SLC4A7: variants seen among roughly 807,000 people sequenced by gnomAD.
The protein encoded by SLC4A7 is solute carrier family 4 member 7.
In SLC4A7, 51 loss-of-function variants were observed where a neutral mutation model predicts 137.6. The ratio of observed to expected loss-of-function variants is 0.37; its 90% CI spans 0.30 to 0.47. The LOEUF is 0.47. Ranked by LOEUF, SLC4A7 falls within the 20% of genes least tolerant of loss-of-function variation. The pLI, the probability that SLC4A7 is intolerant of heterozygous loss-of-function variation, is 1.00. For missense variants in SLC4A7, 1,247 were observed against 1,525.4 expected (o/e 0.82, Z 3.04); for synonymous variants, 542 against 518.6 (o/e 1.05, Z -0.61).
chr3:27,405,035 T>G, intron 13 of SLC4A7, 72 bp from the exon 14 acceptor site: 2 of 1,029,750 alleles, frequency 1.9e-6, no homozygotes, highest in Non-Finnish European at 1.3e-6. Flanking sequence ...ATAATACATG[T>G]AAGACATCTG....
At chr3:27,447,806 C>A (rs1270747440) in intron 3 of SLC4A7, among the ~76,000 whole-genome samples, 1 of 152,020 alleles carries the variant, frequency 6.6e-6, no homozygotes, top group African/African-American at 2.4e-5. Context: ...AACAAAAAAA[C>A]CCTGTCCTTT....
chr3:27,434,372 G>T (rs1208613504), intron 5 of SLC4A7, among the ~76,000 whole-genome samples: 4 of 152,092 alleles, frequency 2.6e-5, no homozygotes, highest in African/African-American at 7.2e-5. Context: ...GTGCTTCCCT[G>T]TATGAATACA....
At position 27,373,326 on chromosome 3, in the gene SLC4A7, C is replaced by T. The variant is rs902949116; in HGVS notation, c.*3438G>A. ...AAGAAACCAATTTATATGAAGATTGCCAAATTTTGCAATTTGAACACTATT... is the reference window on the plus strand; with the variant it reads ...AAGAAACCAATTTATATGAAGATTGTCAAATTTTGCAATTTGAACACTATT... On this transcript the variant is annotated 3_prime_UTR_variant, in exon 26 of 26. Coordinates refer to ENST00000454389, the MANE Select transcript of SLC4A7 (RefSeq NM_001321103.2). 6.6e-6 allele frequency: 1 copy of T among 152,020 alleles called. No individual in the cohort carries two copies. Among genetic ancestry groups the T allele is most frequent in the East Asian group, 1.9e-4 (1 of 5,198 alleles). 9.4% of individuals were successfully genotyped at this position (152,020 alleles called of 1,614,324 possible). A position where few individuals can be genotyped will look rare whatever the true frequency, so the allele number is the denominator to read the frequency against.
In SLC4A7 at chr3:27,375,850, C is replaced by T. The variant is rs2049865238; in HGVS notation, c.*914G>A. 6.6e-6 allele frequency: 1 copy of T among 151,956 alleles called. No homozygotes were observed. Among genetic ancestry groups the T allele is most frequent in the South Asian group, 2.1e-4 (1 of 4,828 alleles). 9.4% of individuals were successfully genotyped at this position (151,956 alleles called of 1,614,324 possible). On this transcript the variant is annotated 3_prime_UTR_variant, in exon 26 of 26. Transcript: ENST00000454389. ...ATAGACCCTTCTGAGAGAATTCTAA[C>T]TCCTGATTATTTACGCCTACTACTT...
At chr3:27,444,082 A>C (rs898444118) in intron 3 of SLC4A7, among the ~76,000 whole-genome samples, 1 of 152,214 alleles carries the variant, frequency 6.6e-6, no homozygotes, top group Non-Finnish European at 1.5e-5. Context: ...TGTCAGTATC[A>C]ATCTGGTTGG....
chr3:27,389,442 A>G (rs910221573), intron 22 of SLC4A7, among the ~76,000 whole-genome samples: 1 of 152,156 alleles, frequency 6.6e-6, no homozygotes, highest in Non-Finnish European at 1.5e-5. Context: ...ATTTTTACAT[A>G]GCATTTACAG....
intron 1 of SLC4A7, among the ~76,000 whole-genome samples, chr3:27,458,224 C>G (rs1386346414): frequency 6.6e-6 from 1 of 152,102 alleles, no homozygotes; most frequent in Admixed American, 6.5e-5. Flanking sequence ...TTTGTGTATA[C>G]AGATTTGTTT....
chr3:27,411,839 T>C (rs943911294), intron 11 of SLC4A7, 91 bp from the exon 12 acceptor site: 134 of 504,262 alleles, frequency 2.7e-4, no homozygotes, highest in Non-Finnish European at 1.2e-4. Flanking sequence ...AGATTTTATA[T>C]TGATTATGTA....
chr3:27,378,995 A>G (rs1435227042), intron 25 of SLC4A7, among the ~76,000 whole-genome samples: 2 of 152,186 alleles, frequency 1.3e-5, no homozygotes, highest in Non-Finnish European at 2.9e-5. Flanking sequence ...GTGACCTCAG[A>G]TGATCCTGAC....
chr3:27,434,202 A>C (rs2056551602), intron 5 of SLC4A7, 98 bp from the exon 6 acceptor site: 1 of 746,892 alleles, frequency 1.3e-6, no homozygotes, highest in Non-Finnish European at 2.1e-6. Context: ...TTAGAACCTT[A>C]AATAGCTCTA....
intron 3 of SLC4A7, among the ~76,000 whole-genome samples, chr3:27,440,060 C>T (rs2057066293): frequency 6.6e-6 from 1 of 152,168 alleles, no homozygotes; most frequent in Non-Finnish European, 1.5e-5. Flanking sequence ...TTAAACCAAC[C>T]TTATGTTCCT....
chr3:27,473,416 A>G (rs546188560), intron 1 of SLC4A7, among the ~76,000 whole-genome samples: 163 of 152,176 alleles, frequency 1.1e-3, no homozygotes, highest in Admixed American at 3.5e-3. Context: ...GAGAAATCAC[A>G]TTTTTGTAAA....
At chr3:27,378,416 G>T (rs565365437) in intron 25 of SLC4A7, among the ~76,000 whole-genome samples, 5 of 152,202 alleles carry the variant, frequency 3.3e-5, no homozygotes, top group Middle Eastern at 6.8e-3. Context: ...TAAAAAAGAA[G>T]AATTTTCTGA....
At chr3:27,425,471 G>A (rs552543886) in intron 7 of SLC4A7, among the ~76,000 whole-genome samples, 7 of 150,302 alleles carry the variant, frequency 4.7e-5, no homozygotes, top group African/African-American at 1.5e-4. Flanking sequence ...GAGGCTGGGA[G>A]TTCGAGACCA....
intron 22 of SLC4A7, among the ~76,000 whole-genome samples, chr3:27,387,079 A>G (rs71323275): frequency 0.017 from 2,597 of 152,218 alleles, 39 homozygotes; most frequent in Non-Finnish European, 0.024. Context: ...TCATATGCCA[A>G]TTCTATATTA....
intron 1 of SLC4A7, among the ~76,000 whole-genome samples, chr3:27,471,957 G>GA (rs1324804918): frequency 6.6e-6 from 1 of 152,154 alleles, no homozygotes; most frequent in African/African-American, 2.4e-5. Flanking sequence ...GGCTTTACAT[G>GA]AAAATCTTCT....
Position 27,415,704 on chromosome 3 carries a change from T to A in SLC4A7, c.1659+2782A>T, listed in dbSNP as rs974661219. On this transcript the variant is annotated intron_variant, in intron 11 of 25. Transcript: ENST00000454389. The stretch of plus-strand genomic sequence containing the variant: ...CAAACAATCTTTGCTGGCACTAAAT[T>A]ATCCGATCCTTCGCTTTTCTTTTGC... Among the ~76,000 whole-genome samples, 3 of 152,232 alleles carry A rather than the reference T, an allele frequency of 2.0e-5. No individual in the cohort carries two copies. In the East Asian group the frequency reaches 5.8e-4, roughly 29 times the overall value.
At chr3:27,389,227 T>C (rs1326690513) in intron 22 of SLC4A7, among the ~76,000 whole-genome samples, 1 of 152,188 alleles carries the variant, frequency 6.6e-6, no homozygotes, top group Non-Finnish European at 1.5e-5. Flanking sequence ...TAATTTTCTC[T>C]CTTTCAATAC....
intron 1 of SLC4A7, among the ~76,000 whole-genome samples, chr3:27,473,794 A>G (rs2059354801): frequency 6.6e-6 from 1 of 151,948 alleles, no homozygotes; most frequent in African/African-American, 2.4e-5. Flanking sequence ...ATTTGTGAAC[A>G]TCTTTTAAGT....
Sources: allele counts gnomAD v4.1 joint callset (sites outside exome capture counted in the v4.1 genomes callset), GRCh38; gene constraint gnomAD v4.1.1; transcripts MANE v1.5; gene names NCBI Gene and HGNC (gene_info 2026-07-23, HGNC 2026-07-21).